Variants in PLPP1 observed in about 807,000 individuals in gnomAD.
The protein encoded by PLPP1 is lipid phosphate phosphohydrolase 1a.
A neutral mutation model predicts 31.2 loss-of-function variants in PLPP1; 24 were observed. The observed-to-expected ratio is 0.77, with a 90% CI of 0.56 to 1.08. The LOEUF is 1.08. PLPP1 is among the 50% of genes least tolerant of loss of function. The probability of loss-of-function intolerance (pLI) is 0.00; values close to 1 mark genes in which losing one functional copy is unlikely to be tolerated. For synonymous variants in PLPP1, 146 were observed against 126.3 expected (o/e 1.16, Z -1.05); for missense variants, 319 against 342.7 (o/e 0.93, Z 0.55).
chr5:55,447,099 AGT>A (rs879611866), intron 3 of PLPP1, among the ~76,000 whole-genome samples: 12 of 152,234 alleles, frequency 7.9e-5, no homozygotes, highest in Non-Finnish European at 1.6e-4. Flanking sequence ...AGTATACACA[AGT>A]GTGTGTGTAA....
At chr5:55,515,682 A>C (rs1006039741) in intron 1 of PLPP1, among the ~76,000 whole-genome samples, 8 of 150,274 alleles carry the variant, frequency 5.3e-5, no homozygotes, top group African/African-American at 2.0e-4. Flanking sequence ...CACTCTCTCC[A>C]CTTGGCTTCC....
At chr5:55,521,843 C>T (rs1327182342) in intron 1 of PLPP1, among the ~76,000 whole-genome samples, 1 of 152,184 alleles carries the variant, frequency 6.6e-6, no homozygotes, top group Admixed American at 6.5e-5. Context: ...GTGATGATTA[C>T]ATGAGTTCAT....
intron 3 of PLPP1, among the ~76,000 whole-genome samples, chr5:55,458,887 CAAAAA>C (rs529067608): frequency 5.2e-4 from 11 of 21,110 alleles, no homozygotes; most frequent in South Asian, 4.2e-3. Flanking sequence ...ACCCTGTCTC[CAAAAA>C]AAAAAAAAAA....
intron 1 of PLPP1, among the ~76,000 whole-genome samples, chr5:55,510,418 G>C (rs1307018381): frequency 6.6e-6 from 1 of 152,142 alleles, no homozygotes; most frequent in Non-Finnish European, 1.5e-5. Context: ...AGAAGAATGA[G>C]GGCACTCAGG....
chr5:55,511,557 A>AG (rs1480801428), intron 1 of PLPP1, among the ~76,000 whole-genome samples: 1 of 151,844 alleles, frequency 6.6e-6, no homozygotes, highest in Non-Finnish European at 1.5e-5. Flanking sequence ...AAATGTTAAA[A>AG]GGGGTAATCT....
chr5:55,448,160 G>T (rs1422314239), intron 3 of PLPP1, among the ~76,000 whole-genome samples: 1 of 152,156 alleles, frequency 6.6e-6, no homozygotes, highest in Non-Finnish European at 1.5e-5. Context: ...ATTTCAGAAA[G>T]ATTTTGACAA....
Position 55,530,224 on chromosome 5 carries a change from T to C in PLPP1, c.58+4348A>G, listed in dbSNP as rs1194487104. The C allele has an allele frequency of 7.1e-6, 10 of 1,415,272 alleles. No individual in the cohort carries two copies. In the African/African-American group the frequency reaches 8.5e-5, roughly 12 times the overall value. 87.7% of individuals were successfully genotyped at this position (1,415,272 alleles called of 1,614,324 possible). On this transcript the variant is annotated intron_variant, in intron 1 of 5. Coordinates refer to ENST00000307259, the MANE Select transcript of PLPP1 (RefSeq NM_003711.4). ...TGAGTTTCTTCATCTAGCTGAAGATTCACAAATTCTCCATAATCAAACTGA... is the reference window on the plus strand; with the variant it reads ...TGAGTTTCTTCATCTAGCTGAAGATCCACAAATTCTCCATAATCAAACTGA...
chr5:55,440,890 T>C (rs1751606729), intron 4 of PLPP1, among the ~76,000 whole-genome samples: 1 of 152,106 alleles, frequency 6.6e-6, no homozygotes, highest in African/African-American at 2.4e-5. Flanking sequence ...ACACAGGAAA[T>C]GACAAATTTA....
chr5:55,534,514 G>A, intron 1 of PLPP1, 58 bp downstream of exon 1: 1 of 1,486,018 alleles, frequency 6.7e-7, no homozygotes, highest in Non-Finnish European at 9.0e-7. Context: ...GCGGCTCTGC[G>A]CTAAAGCCCT....
intron 3 of PLPP1, among the ~76,000 whole-genome samples, chr5:55,455,499 A>G (rs1751986738): frequency 2.6e-5 from 4 of 152,220 alleles, no homozygotes. Context: ...ACAAGCACCT[A>G]TAGTCCCAGC....
intron 1 of PLPP1, among the ~76,000 whole-genome samples, chr5:55,487,493 G>A (rs967129708): frequency 6.6e-6 from 1 of 151,106 alleles, no homozygotes; most frequent in Admixed American, 6.6e-5. Context: ...TCTGAATATG[G>A]CACCTTTTTG....
Position 55,530,797 on chromosome 5 carries a change from G to A in PLPP1, c.58+3775C>T, listed in dbSNP as rs374176802. 3.4e-6 allele frequency: 5 copies of A among 1,465,766 alleles called. No individual in the cohort carries two copies. The South Asian group carries it at 4.6e-5, about 13-fold the overall frequency. 90.8% of individuals were successfully genotyped at this position (1,465,766 alleles called of 1,614,324 possible). ...TCTACAGAAAACGTGCTGACAGGGC[G>A]CGGTCCGCACGGGCGTTTTGAGCAC... On this transcript the variant is annotated intron_variant, in intron 1 of 5. Transcript: ENST00000307259.
At chr5:55,456,820 T>G (rs1195218879) in intron 3 of PLPP1, among the ~76,000 whole-genome samples, 1 of 152,224 alleles carries the variant, frequency 6.6e-6, no homozygotes, top group Non-Finnish European at 1.5e-5. Flanking sequence ...TGATTTTCCT[T>G]GCTCCTTGCT....
chr5:55,435,992 C>T (rs968653759), intron 4 of PLPP1, among the ~76,000 whole-genome samples: 6 of 130,132 alleles, frequency 4.6e-5, no homozygotes, highest in African/African-American at 8.9e-5. Flanking sequence ...CCAGCCTGGG[C>T]GACAGAGTGA....
intron 1 of PLPP1, among the ~76,000 whole-genome samples, chr5:55,502,972 A>G (rs113443609): frequency 1.3e-5 from 2 of 152,340 alleles, no homozygotes; most frequent in African/African-American, 4.8e-5. Context: ...GAGCCAGTCA[A>G]GTATGACTGG....
intron 1 of PLPP1, among the ~76,000 whole-genome samples, chr5:55,478,161 C>G (rs1257486823): frequency 6.6e-6 from 1 of 151,916 alleles, no homozygotes; most frequent in African/African-American, 2.4e-5. Context: ...GGTTTTGTTC[C>G]CCCCTGACCA....
chr5:55,482,624 CTGTT>C (rs923765013), intron 1 of PLPP1, among the ~76,000 whole-genome samples: 5 of 152,152 alleles, frequency 3.3e-5, no homozygotes, highest in East Asian at 1.9e-4. Context: ...GAGCAATAGA[CTGTT>C]TGGATACCAG....
chr5:55,531,339 G>A (rs374511749), intron 1 of PLPP1, among the ~76,000 whole-genome samples: 3 of 152,080 alleles, frequency 2.0e-5, no homozygotes, highest in Admixed American at 6.6e-5. Flanking sequence ...GATGACATAC[G>A]GACAGAAACA....
chr5:55,475,690 C>CA (rs1368319437), intron 1 of PLPP1, among the ~76,000 whole-genome samples: 1 of 152,178 alleles, frequency 6.6e-6, no homozygotes, highest in African/African-American at 2.4e-5. Context: ...ACCAATTTAA[C>CA]AAAGAGTTAT....
Sources: allele counts gnomAD v4.1 joint callset (sites outside exome capture counted in the v4.1 genomes callset), GRCh38; gene constraint gnomAD v4.1.1; transcripts MANE v1.5; gene names NCBI Gene and HGNC (gene_info 2026-07-23, HGNC 2026-07-21).